The following GRXCR1 variants were observed in gnomAD, a reference collection of about 807,000 sequenced individuals.
The protein encoded by GRXCR1 is glutaredoxin and cysteine rich domain containing 1.
A neutral mutation model predicts 27.3 loss-of-function variants in GRXCR1; 27 were observed. The observed-to-expected ratio is 0.99, with a 90% CI of 0.73 to 1.37. The LOEUF (loss-of-function observed/expected upper bound fraction) is 1.37, where lower values mean the gene tolerates loss of function less well. Ranked by LOEUF, GRXCR1 falls within the 40% of genes most tolerant of loss-of-function variation. The pLI is 0.00. For missense variants in GRXCR1, 379 were observed against 354.4 expected (o/e 1.07, Z -0.56); for synonymous variants, 122 against 131.1 (o/e 0.93, Z 0.47).
In GRXCR1 at chr4:42,930,911, A is replaced by G. The variant is rs182838469; in HGVS notation, c.385-31981A>G. Among the ~76,000 whole-genome samples the G allele has an allele frequency of 1.8e-3, 281 of 152,086 alleles. 1 individual carries two copies. Among genetic ancestry groups the G allele is most frequent in the African/African-American group, 6.6e-3 (276 of 41,532 alleles). On this transcript the variant is annotated intron_variant, in intron 1 of 3. Transcript: ENST00000399770. Reference sequence around the variant, plus strand: ...TATCAAGCTAGTAAATTTTCTTGCTAATGTAAGAAATGACTTACATCAGGT... The same window carrying G: ...TATCAAGCTAGTAAATTTTCTTGCTGATGTAAGAAATGACTTACATCAGGT...
chr4:42,990,524 T>A (rs1711939306), intron 2 of GRXCR1, among the ~76,000 whole-genome samples: 1 of 152,106 alleles, frequency 6.6e-6, no homozygotes, highest in Non-Finnish European at 1.5e-5. Flanking sequence ...CTAAAAATTA[T>A]TTTCATAGTA....
At chr4:42,925,637 G>T (rs1747141431) in intron 1 of GRXCR1, among the ~76,000 whole-genome samples, 1 of 151,948 alleles carries the variant, frequency 6.6e-6, no homozygotes, top group Admixed American at 6.6e-5. Flanking sequence ...ATGTAAAAAT[G>T]TTGCAGTCTA....
intron 2 of GRXCR1, among the ~76,000 whole-genome samples, chr4:43,004,871 G>A (rs771250220): frequency 6.6e-6 from 1 of 152,200 alleles, no homozygotes; most frequent in Non-Finnish European, 1.5e-5. Flanking sequence ...TTGAGTTAAT[G>A]CTGGAAGGAG....
intron 1 of GRXCR1, among the ~76,000 whole-genome samples, chr4:42,911,916 C>T (rs1170830977): frequency 6.6e-6 from 1 of 152,036 alleles, no homozygotes; most frequent in African/African-American, 2.4e-5. Context: ...GTTTAAGAGC[C>T]AGTGAGGGGA....
chr4:42,962,924 A>G lies in GRXCR1; in HGVS notation c.417A>G (p.Val139=). 1 of 1,612,642 alleles carries G rather than the reference A, an allele frequency of 6.2e-7. No homozygotes were observed. The highest frequency in any genetic ancestry group is 1.7e-5 in the Admixed American group (1 of 59,898). The change falls in exon 2 of 4, where the codon GTA becomes GTG. Residue 139 remains valine, a synonymous_variant. Coordinates refer to ENST00000399770, the MANE Select transcript of GRXCR1 (RefSeq NM_001080476.3). ...QPSTDLEFDR[V]VIYTTCLRVV... ...CAACTGATCTAGAATTTGACCGTGTAGTGATTTATACCACCTGCCTTCGTG... is the reference window on the plus strand; with the variant it reads ...CAACTGATCTAGAATTTGACCGTGTGGTGATTTATACCACCTGCCTTCGTG...
At chr4:42,940,942 A>G (rs1290830162) in intron 1 of GRXCR1, among the ~76,000 whole-genome samples, 2 of 152,078 alleles carry the variant, frequency 1.3e-5, no homozygotes, top group African/African-American at 2.4e-5. Context: ...TAAGTCTCTT[A>G]TTAAGGTTTA....
At chr4:43,003,923 C>T (rs769146997) in intron 2 of GRXCR1, among the ~76,000 whole-genome samples, 11 of 152,126 alleles carry the variant, frequency 7.2e-5, no homozygotes, top group East Asian at 3.8e-4. Flanking sequence ...CAGAAATTTA[C>T]GTAAGTAAAG....
chr4:42,949,351 T>C (rs1182207251), intron 1 of GRXCR1, among the ~76,000 whole-genome samples: 1 of 42,884 alleles, frequency 2.3e-5, no homozygotes, highest in Non-Finnish European at 3.7e-5. Context: ...CAAGACTCCA[T>C]CTCAAAAAAA....
At chr4:42,975,657 T>C (rs2109781880) in intron 2 of GRXCR1, among the ~76,000 whole-genome samples, 1 of 152,188 alleles carries the variant, frequency 6.6e-6, no homozygotes, top group African/African-American at 2.4e-5. Context: ...CACTCCATCA[T>C]CTTGTTCTTT....
intron 1 of GRXCR1, among the ~76,000 whole-genome samples, chr4:42,959,068 A>T (rs1429434115): frequency 8.5e-5 from 13 of 152,106 alleles, no homozygotes; most frequent in African/African-American, 2.4e-4. Flanking sequence ...CATTCTGGGT[A>T]TATACTCAAA....
At chr4:43,003,338 T>A (rs1712442464) in intron 2 of GRXCR1, among the ~76,000 whole-genome samples, 1 of 151,846 alleles carries the variant, frequency 6.6e-6, no homozygotes, top group South Asian at 2.1e-4. Context: ...AGTGTGAGAA[T>A]GGACTAATAC....
chr4:42,965,640 G>GAA (rs991380811), intron 2 of GRXCR1, among the ~76,000 whole-genome samples: 8 of 152,046 alleles, frequency 5.3e-5, no homozygotes, highest in African/African-American at 1.9e-4. Context: ...ACAGACACAT[G>GAA]AAACCATTTG....
chr4:43,024,163 A>G (rs1713180423), intron 3 of GRXCR1, among the ~76,000 whole-genome samples: 1 of 136,434 alleles, frequency 7.3e-6, no homozygotes, highest in Admixed American at 7.4e-5. Flanking sequence ...TGCCATTTGT[A>G]CTGAGATTGC....
intron 2 of GRXCR1, among the ~76,000 whole-genome samples, chr4:42,963,574 GGCCTGGA>G (rs1748176504): frequency 6.6e-6 from 1 of 151,914 alleles, no homozygotes; most frequent in Admixed American, 6.6e-5. Context: ...TAAGAAATGG[GGCCTGGA>G]GCCAGAATTT....
intron 1 of GRXCR1, among the ~76,000 whole-genome samples, chr4:42,951,235 A>G (rs1282437159): frequency 1.3e-5 from 2 of 152,184 alleles, no homozygotes; most frequent in African/African-American, 4.8e-5. Context: ...TCACTCACTC[A>G]ACAGATGGTA....
intron 3 of GRXCR1, among the ~76,000 whole-genome samples, chr4:43,028,339 G>A (rs1388135150): frequency 1.3e-5 from 2 of 151,976 alleles, no homozygotes; most frequent in Non-Finnish European, 2.9e-5. Context: ...AATTATTTGT[G>A]GTCTATCTGA....
intron 1 of GRXCR1, among the ~76,000 whole-genome samples, chr4:42,915,945 G>C (rs916095347): frequency 6.6e-6 from 1 of 151,720 alleles, no homozygotes; most frequent in African/African-American, 2.4e-5. Flanking sequence ...TAAACTTAGA[G>C]TTACAATGCC....
chr4:43,025,962 C>G (rs1196490373), intron 3 of GRXCR1, among the ~76,000 whole-genome samples: 1 of 133,374 alleles, frequency 7.5e-6, no homozygotes, highest in Non-Finnish European at 1.6e-5. Context: ...GGAAACAGAG[C>G]GAAACTCCGT....
chr4:43,020,036 C>T (rs1054179738), intron 2 of GRXCR1, among the ~76,000 whole-genome samples: 1 of 152,048 alleles, frequency 6.6e-6, no homozygotes, highest in African/African-American at 2.4e-5. Flanking sequence ...TAGACTGGCT[C>T]CAGGCTCCCT....
Sources: gnomAD v4.1 joint callset for allele counts (sites outside exome capture counted in the v4.1 genomes callset) on GRCh38, gnomAD v4.1.1 for gene constraint, MANE v1.5 for transcripts, NCBI Gene and HGNC (gene_info 2026-07-23, HGNC 2026-07-21) for gene names.